BLK: variants seen among roughly 807,000 people sequenced by gnomAD.
The protein encoded by BLK is tyrosine-protein kinase Blk.
A neutral mutation model predicts 61.8 loss-of-function variants in BLK; 64 were observed. That is an observed-to-expected ratio of 1.03 (90% CI 0.85 to 1.27). The LOEUF (loss-of-function observed/expected upper bound fraction) is 1.27. BLK is among the 50% of genes most tolerant of loss of function. The pLI is 0.00. For synonymous variants in BLK, 351 were observed against 272.0 expected (o/e 1.29, Z -2.86); for missense variants, 853 against 660.5 (o/e 1.29, Z -3.19).
intron 1 of BLK, among the ~76,000 whole-genome samples, chr8:11,503,562 C>T (rs1334070476): frequency 2.6e-5 from 4 of 152,172 alleles, no homozygotes; most frequent in Non-Finnish European, 4.4e-5. Context: ...AGGCCTTTGC[C>T]ACCAGGTCAG....
chr8:11,546,472 G>T (rs983563611), intron 3 of BLK, among the ~76,000 whole-genome samples: 1 of 152,164 alleles, frequency 6.6e-6, no homozygotes, highest in Non-Finnish European at 1.5e-5. Context: ...TCCAGCCCCT[G>T]TCCGCTCTAT....
intron 1 of BLK, 69 bp from the exon 2 acceptor site, chr8:11,543,155 A>T (rs1166528543): frequency 2.5e-6 from 4 of 1,609,416 alleles, no homozygotes; most frequent in Non-Finnish European, 3.4e-6. Flanking sequence ...GGGGCCAGGG[A>T]TCCCCTCTGT....
chr8:11,534,197 A>G (rs1800016908), intron 1 of BLK, among the ~76,000 whole-genome samples: 1 of 152,268 alleles, frequency 6.6e-6, no homozygotes, highest in Non-Finnish European at 1.5e-5. Flanking sequence ...TCCATTGGGA[A>G]GTAATGACCC....
chr8:11,522,570 TG>T (rs1203256739), intron 1 of BLK, among the ~76,000 whole-genome samples: 110 of 152,266 alleles, frequency 7.2e-4, no homozygotes, highest in African/African-American at 2.6e-3. Context: ...AAACAGGGAA[TG>T]TATGAGGTTG....
At chr8:11,554,946 C>T (rs931642831) in intron 7 of BLK, 57 bp downstream of exon 7, 100 of 1,588,898 alleles carry the variant, frequency 6.3e-5, no homozygotes, top group Non-Finnish European at 7.6e-5. Flanking sequence ...CTGGATCTCT[C>T]GCTAAGATTC....
At position 11,557,875 on chromosome 8, in the gene BLK, T is replaced by C. The variant is rs540629012; in HGVS notation, c.953-87T>C. On this transcript the variant is annotated intron_variant, in intron 9 of 12. Coordinates refer to ENST00000259089, the MANE Select transcript of BLK (RefSeq NM_001715.3). ...TGCAAACTCCCACTTCCCGCGCCCATGGGGAGCCACTCACACCAGAGAGAG... is the reference window on the plus strand; with the variant it reads ...TGCAAACTCCCACTTCCCGCGCCCACGGGGAGCCACTCACACCAGAGAGAG... 16 of 1,214,018 alleles carry C rather than the reference T, an allele frequency of 1.3e-5. No individual in the cohort carries two copies. The Admixed American group carries it at 2.6e-4, about 20-fold the overall frequency. The allele number at this position is 1,214,018 out of a possible 1,614,324, so 75.2% of individuals were successfully genotyped here. A position where few individuals can be genotyped will look rare whatever the true frequency, so the allele number is the denominator to read the frequency against.
Position 11,543,320 on chromosome 8 carries a change from C to G in BLK, c.96C>G (p.Asp32Glu). The G allele has an allele frequency of 1.2e-6, 2 of 1,613,004 alleles. No homozygotes were observed. Among genetic ancestry groups the G allele is most frequent in the Non-Finnish European group, 1.7e-6 (2 of 1,179,972 alleles). Residue 32 changes from aspartate (D) to glutamate (E), a missense_variant, in exon 2 of 13, where the codon GAC becomes GAG. Transcript: ENST00000259089. ...QWSPLKVSAQ[D>E]KDAPPLPPLV... ...GCCCCCTGAAGGTCAGCGCCCAAGA[C>G]AAGGACGCCCCGCCACTGCCGCCCC...
intron 6 of BLK, among the ~76,000 whole-genome samples, chr8:11,550,745 C>T (rs944939921): frequency 3.3e-5 from 5 of 152,260 alleles, no homozygotes; most frequent in African/African-American, 1.2e-4. Context: ...AGTCTAGACA[C>T]TCATGAGTTC....
In BLK at chr8:11,556,718, C is replaced by T. The variant is rs772402353; in HGVS notation, c.833C>T (p.Pro278Leu). The T allele has an allele frequency of 6.2e-7, 1 of 1,614,178 alleles. No individual in the cohort carries two copies. The highest frequency in any genetic ancestry group is 1.1e-5 in the South Asian group (1 of 91,074). ...ACGCTGAAGGAGGGAACCATGTCTCCAGAAGCCTTTCTGGGTGAGGCCAAC... is the reference window on the plus strand; with the variant it reads ...ACGCTGAAGGAGGGAACCATGTCTCTAGAAGCCTTTCTGGGTGAGGCCAAC... ...IKTLKEGTMSPEAFLGEANVM... is the reference protein window; with the variant it reads ...IKTLKEGTMSLEAFLGEANVM... Residue 278 changes from proline to leucine, a missense_variant, in exon 9 of 13, where the codon CCA becomes CTA. By Grantham distance (98) the Pro-to-Leu change is moderately conservative (BLOSUM62 -3). Coordinates refer to ENST00000259089, the MANE Select transcript of BLK (RefSeq NM_001715.3).
chr8:11,523,055 C>CTG (rs59960372), intron 1 of BLK, among the ~76,000 whole-genome samples: 152,275 of 152,326 alleles, frequency 1, 76,112 homozygotes, highest in Middle Eastern at 1. Flanking sequence ...ACATTATTTT[C>CTG]TGTTTTTTTA....
At chr8:11,562,860 C>T in intron 11 of BLK, 119 bp from the exon 12 acceptor site, 1 of 1,454,058 alleles carries the variant, frequency 6.9e-7, no homozygotes, top group South Asian at 1.2e-5. Context: ...CCGCCCCGCC[C>T]TGTGAGGCCC....
chr8:11,532,190 A>C (rs1799913986), intron 1 of BLK, among the ~76,000 whole-genome samples: 1 of 139,196 alleles, frequency 7.2e-6, no homozygotes, highest in Non-Finnish European at 1.5e-5. Flanking sequence ...AAAAAATTTT[A>C]ATATTTATTT....
intron 1 of BLK, among the ~76,000 whole-genome samples, chr8:11,518,068 G>A (rs1260467551): frequency 2.0e-5 from 3 of 152,188 alleles, no homozygotes. Context: ...GCAGAAGAGG[G>A]AACCGAGGCT....
chr8:11,556,705 G>A lies in BLK; in HGVS notation c.820G>A (p.Gly274Arg), dbSNP rs538418869. 1.5e-5 allele frequency: 25 copies of A among 1,614,166 alleles called. No homozygotes were observed. In the South Asian group the frequency reaches 2.4e-4, roughly 16 times the overall value. ...MKVAIKTLKE[G>R]TMSPEAFLGE... Reference sequence around the variant, plus strand: ...GGTGGCCATTAAGACGCTGAAGGAGGGAACCATGTCTCCAGAAGCCTTTCT... The same window carrying A: ...GGTGGCCATTAAGACGCTGAAGGAGAGAACCATGTCTCCAGAAGCCTTTCT... The change falls in exon 9 of 13, where the codon GGA becomes AGA. Residue 274 changes from glycine (G) to arginine (R), a missense_variant. Coordinates refer to ENST00000259089, the MANE Select transcript of BLK (RefSeq NM_001715.3).
Position 11,554,724 on chromosome 8 carries a change from G to GTC in BLK, c.473-17_473-16dup, listed in dbSNP as rs1801107322. On this transcript the variant is annotated intron_variant, in intron 6 of 12. Coordinates refer to ENST00000259089, the MANE Select transcript of BLK (RefSeq NM_001715.3). The stretch of plus-strand genomic sequence containing the variant: ...TCTTTGTGCCTTACTTCTCGTGTGT[G>GTC]TCTTCATGAACCCTCCAGGTGCCTT... 6.2e-7 allele frequency: 1 copy of GTC among 1,612,032 alleles called. No homozygotes were observed. The highest frequency in any genetic ancestry group is 8.5e-7 in the Non-Finnish European group (1 of 1,180,000).
At chr8:11,515,857 G>A (rs2117307271) in intron 1 of BLK, among the ~76,000 whole-genome samples, 1 of 152,332 alleles carries the variant, frequency 6.6e-6, no homozygotes, top group Middle Eastern at 3.4e-3. Context: ...ATGAAATCAA[G>A]TGGGCTCCTG....
At chr8:11,503,683 G>C (rs1798651636) in intron 1 of BLK, among the ~76,000 whole-genome samples, 1 of 152,292 alleles carries the variant, frequency 6.6e-6, no homozygotes, top group African/African-American at 2.4e-5. Context: ...GACTTGCAAG[G>C]AGACACCTGC....
chr8:11,527,257 G>A (rs948519764), intron 1 of BLK, among the ~76,000 whole-genome samples: 2 of 152,156 alleles, frequency 1.3e-5, no homozygotes, highest in African/African-American at 4.8e-5. Context: ...CTAAGGGGGT[G>A]TAAATAACAT....
chr8:11,561,361 G>A lies in BLK; in HGVS notation c.1089G>A (p.Ala363=), dbSNP rs55836779. The A allele has an allele frequency of 3.4e-5, 55 of 1,613,974 alleles. No homozygotes were observed. Among genetic ancestry groups the A allele is most frequent in the African/African-American group, 6.7e-5 (5 of 74,928 alleles). ...RMNSIHRDLR[A]ANILVSEALC... is the part of the protein sequence containing the mutation. ...ATTCCATCCACCGCGACCTGCGGGC[G>A]GCCAACATCCTGGTGTCTGAGGCCT... The change falls in exon 11 of 13, where the codon GCG becomes GCA. Residue 363 remains alanine (A), a synonymous_variant. Transcript: ENST00000259089.
Sources: allele counts gnomAD v4.1 joint callset (sites outside exome capture counted in the v4.1 genomes callset), GRCh38; gene constraint gnomAD v4.1.1; transcripts MANE v1.5; gene names NCBI Gene and HGNC (gene_info 2026-07-23, HGNC 2026-07-21).